The following SYT16 variants were observed in gnomAD, a reference collection of about 807,000 sequenced individuals.
The protein encoded by SYT16 is synaptotagmin 16, also known as synaptotagmin-16.
In SYT16, 42 loss-of-function variants were observed where a neutral mutation model predicts 61.4. The ratio of observed to expected loss-of-function variants is 0.68; its 90% CI spans 0.53 to 0.89. The LOEUF is 0.89. Ranked by LOEUF, SYT16 falls within the 40% of genes least tolerant of loss-of-function variation. The pLI is 0.00. For synonymous variants in SYT16, 314 were observed against 302.3 expected (o/e 1.04, Z -0.40); for missense variants, 804 against 807.3 (o/e 1.00, Z 0.05).
rs1231133132 is a variant in SYT16, at chr14:62,111,921, TCA to T, written c.*11216_*11217del. 1 of 152,146 alleles carries T rather than the reference TCA, an allele frequency of 6.6e-6. No individual in the cohort carries two copies. The highest frequency in any genetic ancestry group is 1.5e-5 in the Non-Finnish European group (1 of 67,978). The allele number at this position is 152,146 out of a possible 1,614,324, so 9.4% of individuals were successfully genotyped here. A position where few individuals can be genotyped will look rare whatever the true frequency, so the allele number is the denominator to read the frequency against. ...CTCTTATTAAAGAAGCATGAATGTA[TCA>T]CTAGCTGTTACCAGAACAAACAGCT... On this transcript the variant is annotated 3_prime_UTR_variant, in exon 8 of 8. Transcript: ENST00000683842.
Position 62,074,060 on chromosome 14 carries a change from A to T in SYT16, c.737-1075A>T, listed in dbSNP as rs562458343. ...ATCTCTAGTTTTCTTTCATCCTGGG[A>T]TGGGGTCTGCTGGAGGAGAAAAGAG... On this transcript the variant is annotated intron_variant, in intron 4 of 7. Transcript: ENST00000683842. Among the ~76,000 whole-genome samples the T allele has an allele frequency of 2.0e-5, 3 of 152,234 alleles. No individual in the cohort carries two copies. The East Asian group carries it at 5.8e-4, about 29-fold the overall frequency.
rs1414102283 is a variant in SYT16 at position 61,954,445 on chromosome 14, C to T, written c.-324-15687C>T. Among the ~76,000 whole-genome samples, 5 of 151,848 alleles carry T rather than the reference C, an allele frequency of 3.3e-5. No individual in the cohort carries two copies. The East Asian group carries it at 7.8e-4, about 24-fold the overall frequency. On this transcript the variant is annotated intron_variant, in intron 1 of 7. Transcript: ENST00000683842. ...TCTCCTTGAGCCATTGCTTGAAAAT[C>T]AACAGATGGGGCTATCCAGTGGCAC...
At chr14:62,081,591 G>A (rs1055090998) in intron 6 of SYT16, among the ~76,000 whole-genome samples, 9 of 152,294 alleles carry the variant, frequency 5.9e-5, no homozygotes, top group African/African-American at 2.2e-4. Context: ...TACTCCTCCT[G>A]CCCCCAATCT....
intron 1 of SYT16, among the ~76,000 whole-genome samples, chr14:61,889,013 A>T (rs1566654972): frequency 6.6e-6 from 1 of 152,206 alleles, no homozygotes; most frequent in Non-Finnish European, 1.5e-5. Context: ...ATTGCATAAA[A>T]TAAGGTATTT....
intron 1 of SYT16, among the ~76,000 whole-genome samples, chr14:61,820,108 C>G (rs1022012881): frequency 1.3e-5 from 2 of 152,178 alleles, no homozygotes; most frequent in Admixed American, 6.5e-5. Context: ...AAATGTAAGA[C>G]TAGGGAAGAG....
chr14:62,076,394 T>C (rs1183401115), intron 5 of SYT16, among the ~76,000 whole-genome samples: 3 of 151,760 alleles, frequency 2.0e-5, no homozygotes, highest in Admixed American at 6.6e-5. Flanking sequence ...ATAAACAGGA[T>C]GCATCTCTTA....
intron 7 of SYT16, among the ~76,000 whole-genome samples, chr14:62,085,652 G>A (rs1004492160): frequency 6.6e-6 from 1 of 152,114 alleles, no homozygotes; most frequent in South Asian, 2.1e-4. Context: ...CTGTGGAATG[G>A]GGGTATCTTG....
At chr14:61,930,747 A>C (rs1233267892) in intron 1 of SYT16, among the ~76,000 whole-genome samples, 1 of 152,014 alleles carries the variant, frequency 6.6e-6, no homozygotes, top group Admixed American at 6.6e-5. Flanking sequence ...AGTCTATGCA[A>C]GTGGAAGAGG....
chr14:61,957,609 T>C (rs527940918), intron 1 of SYT16, among the ~76,000 whole-genome samples: 39 of 152,112 alleles, frequency 2.6e-4, no homozygotes, highest in African/African-American at 8.0e-4. Context: ...ATTTCATGGA[T>C]TGATTTGTGT....
At chr14:62,005,013 G>C (rs1158361607) in intron 3 of SYT16, among the ~76,000 whole-genome samples, 1 of 152,206 alleles carries the variant, frequency 6.6e-6, no homozygotes, top group Non-Finnish European at 1.5e-5. Flanking sequence ...AGTGAACACT[G>C]TGTGGGTGGG....
chr14:62,021,777 A>G (rs2053920418), intron 3 of SYT16, among the ~76,000 whole-genome samples: 1 of 152,038 alleles, frequency 6.6e-6, no homozygotes, highest in Admixed American at 6.6e-5. Context: ...GTAAATTTCT[A>G]TTTTGTCTGC....
chr14:61,852,190 CT>C (rs543081115), intron 1 of SYT16, among the ~76,000 whole-genome samples: 6,397 of 151,164 alleles, frequency 0.042, 308 homozygotes, highest in African/African-American at 0.12. Flanking sequence ...TTCCCCATTG[CT>C]TTTTTTTTGT....
At position 61,883,885 on chromosome 14, in the gene SYT16, G is replaced by A. The variant is rs922862130; in HGVS notation, c.-325+71075G>A. On this transcript the variant is annotated intron_variant, in intron 1 of 7. Transcript: ENST00000683842. ...TTCACAGGGTGGCAGGATGGCATGAGTGCAAGCAGGAGAAATGCCAGATGC... is the reference window on the plus strand; with the variant it reads ...TTCACAGGGTGGCAGGATGGCATGAATGCAAGCAGGAGAAATGCCAGATGC... 2.6e-5 allele frequency among the ~76,000 whole-genome samples: 4 copies of A among 152,178 alleles called. 1 individual carries two copies. Among genetic ancestry groups the A allele is most frequent in the African/African-American group, 9.7e-5 (4 of 41,434 alleles).
intron 1 of SYT16, among the ~76,000 whole-genome samples, chr14:61,887,220 CTT>C (rs992023215): frequency 2.9e-4 from 44 of 152,314 alleles, no homozygotes; most frequent in Middle Eastern, 6.8e-3. Context: ...TGAAAGGAAT[CTT>C]TTTCTGAGCA....
intron 4 of SYT16, 125 bp downstream of exon 4, chr14:62,069,940 G>A: frequency 9.0e-7 from 1 of 1,116,498 alleles, no homozygotes; most frequent in Non-Finnish European, 1.3e-6. Flanking sequence ...GAGGCAGGAT[G>A]CATTACGTGG....
In SYT16 at chr14:61,996,337, C is replaced by A. The variant is rs372814062; in HGVS notation, c.318C>A (p.Ser106Arg). The A allele has an allele frequency of 5.0e-6, 8 of 1,613,264 alleles. No homozygotes were observed. The African/African-American group carries it at 5.3e-5, about 11-fold the overall frequency. Reference sequence around the variant, plus strand: ...TGCAGGACTCTGCCCAAAATTCAAGCCCAAGCCTTAGCCAACATGCAAAGG... The same window carrying A: ...TGCAGGACTCTGCCCAAAATTCAAGACCAAGCCTTAGCCAACATGCAAAGG... ...SDLQDSAQNSSPSLSQHAKDS... is the reference protein window; with the variant it reads ...SDLQDSAQNSRPSLSQHAKDS... Residue 106 changes from serine to arginine, a missense_variant, in exon 3 of 8, where the codon AGC (serine) becomes AGA (arginine). Ser to Arg is a moderately radical substitution (Grantham distance 110, BLOSUM62 -1). Transcript: ENST00000683842.
At chr14:62,060,314 A>T (rs540433673) in intron 3 of SYT16, among the ~76,000 whole-genome samples, 1 of 151,948 alleles carries the variant, frequency 6.6e-6, no homozygotes, top group South Asian at 2.1e-4. Flanking sequence ...GTGCATTTTG[A>T]TGCTCTTTCT....
chr14:62,001,723 A>G (rs190200656), intron 3 of SYT16, among the ~76,000 whole-genome samples: 1 of 152,206 alleles, frequency 6.6e-6, no homozygotes, highest in Non-Finnish European at 1.5e-5. Context: ...TCAGTTGTAC[A>G]AATATTAGAT....
At chr14:61,892,904 G>T (rs997337094) in intron 1 of SYT16, among the ~76,000 whole-genome samples, 35 of 148,502 alleles carry the variant, frequency 2.4e-4, no homozygotes, top group African/African-American at 7.9e-4. Flanking sequence ...AGAATAAACG[G>T]TTTTTTTTTT....
Sources: allele counts gnomAD v4.1 joint callset (sites outside exome capture counted in the v4.1 genomes callset), GRCh38; gene constraint gnomAD v4.1.1; transcripts MANE v1.5; gene names NCBI Gene and HGNC (gene_info 2026-07-23, HGNC 2026-07-21).